MAP3K9: variants seen among roughly 807,000 people sequenced by gnomAD.
MAP3K9 encodes the protein mitogen-activated protein kinase kinase kinase 9.
In MAP3K9, 46 loss-of-function variants were observed where a neutral mutation model predicts 95.8. The observed-to-expected ratio is 0.48, with a 90% CI of 0.38 to 0.61. MAP3K9 has a LOEUF of 0.61. Ranked by LOEUF, MAP3K9 falls within the 20% of genes least tolerant of loss-of-function variation. The probability of loss-of-function intolerance (pLI) is 0.00; values close to 1 mark genes in which losing one functional copy is unlikely to be tolerated. For synonymous variants in MAP3K9, 533 were observed against 593.8 expected, an observed-to-expected ratio of 0.90 and a Z score of 1.49; for missense variants, 1,296 against 1,474.3, an observed-to-expected ratio of 0.88 and a Z score of 1.98.
In MAP3K9 at chr14:70,730,449, C is replaced by A. The variant is rs1042066727; in HGVS notation, c.3246G>T (p.Pro1082=). ...GTGTGTTCAGTTCCGCTCTGCACAGCGGCACGGTGCTGTCCTGACTCTGCC... is the reference window on the plus strand; with the variant it reads ...GTGTGTTCAGTTCCGCTCTGCACAGAGGCACGGTGCTGTCCTGACTCTGCC... ...AEGQSQDSTV[P]LCRAELNTHR... The change falls in exon 12 of 12, where the codon CCG becomes CCT. Residue 1082 remains proline (P), a synonymous_variant. Coordinates refer to ENST00000554752, the MANE Select transcript of MAP3K9 (RefSeq NM_001284230.2). 7 of 1,614,082 alleles carry A rather than the reference C, an allele frequency of 4.3e-6. No homozygotes were observed. Among genetic ancestry groups the A allele is most frequent in the African/African-American group, 1.3e-5 (1 of 74,948 alleles).
At chr14:70,774,736 C>G (rs1219699827) in intron 2 of MAP3K9, among the ~76,000 whole-genome samples, 1 of 151,922 alleles carries the variant, frequency 6.6e-6, no homozygotes, top group Non-Finnish European at 1.5e-5. Context: ...CCTGTAATCC[C>G]AGCACTGTGG....
At chr14:70,786,833 G>A (rs142162102) in intron 2 of MAP3K9, among the ~76,000 whole-genome samples, 19 of 152,146 alleles carry the variant, frequency 1.2e-4, no homozygotes, top group East Asian at 5.8e-4. Flanking sequence ...AAAATCTATC[G>A]CTATTTTCCC....
chr14:70,762,771 T>C (rs1422367368), intron 2 of MAP3K9, among the ~76,000 whole-genome samples: 7 of 152,232 alleles, frequency 4.6e-5, no homozygotes, highest in African/African-American at 1.7e-4. Context: ...TTTTTTTATT[T>C]ATTGCACATA....
rs764870237 is a variant in MAP3K9, at chr14:70,730,749, G to C, written c.2946C>G (p.Thr982=). 4 of 1,613,806 alleles carry C rather than the reference G, an allele frequency of 2.5e-6. No homozygotes were observed. In the East Asian group the frequency reaches 6.7e-5, roughly 27 times the overall value. Residue 982 remains threonine, a synonymous_variant, in exon 12 of 12, where the codon ACC becomes ACG. Coordinates refer to ENST00000554752, the MANE Select transcript of MAP3K9 (RefSeq NM_001284230.2). ...ACTCCAGAGTCTTGGGTCTCTCCAA[G>C]GTAGAGTCCTGCTGAGTGTTCCAGC... The part of the protein sequence containing the change: ...PRRWNTQQDS[T]LERPKTLEFL...
intron 11 of MAP3K9, 38 bp from the exon 12 acceptor site, chr14:70,730,902 C>A (rs749339201): frequency 1.9e-6 from 3 of 1,564,364 alleles, no homozygotes; most frequent in Middle Eastern, 1.7e-4. Flanking sequence ...TCAGATGAGG[C>A]ACCATATTTC....
At chr14:70,751,675 C>T (rs553097782) in intron 3 of MAP3K9, among the ~76,000 whole-genome samples, 9 of 152,076 alleles carry the variant, frequency 5.9e-5, no homozygotes, top group South Asian at 2.1e-4. Flanking sequence ...GCCAAGATCA[C>T]GCCACTGCAC....
At chr14:70,786,357 C>T (rs904150718) in intron 2 of MAP3K9, among the ~76,000 whole-genome samples, 5 of 152,214 alleles carry the variant, frequency 3.3e-5, no homozygotes, top group African/African-American at 1.2e-4. Context: ...TATCTCTCAG[C>T]GGGGATTCCT....
At chr14:70,757,087 T>C (rs750205305) in intron 3 of MAP3K9, among the ~76,000 whole-genome samples, 3 of 152,112 alleles carry the variant, frequency 2.0e-5, no homozygotes, top group Non-Finnish European at 2.9e-5. Flanking sequence ...AGGTTCAATA[T>C]ACAGATGCTA....
intron 3 of MAP3K9, among the ~76,000 whole-genome samples, chr14:70,750,830 C>G (rs945710456): frequency 6.6e-6 from 1 of 152,060 alleles, no homozygotes; most frequent in Admixed American, 6.6e-5. Context: ...GAAGAGGCAG[C>G]CTCCCAAGTA....
chr14:70,764,331 G>C (rs2054419199), intron 2 of MAP3K9, among the ~76,000 whole-genome samples: 1 of 111,026 alleles, frequency 9.0e-6, no homozygotes. Context: ...AAGATGTAGA[G>C]GTGGAAGACT....
At chr14:70,745,827 T>C (rs1032893927) in intron 5 of MAP3K9, among the ~76,000 whole-genome samples, 4 of 152,050 alleles carry the variant, frequency 2.6e-5, no homozygotes, top group Admixed American at 2.6e-4. Context: ...TACTCAGTGG[T>C]TGAATAACTA....
Position 70,808,849 on chromosome 14 carries a change from C to G in MAP3K9, c.323G>C (p.Ser108Thr). Residue 108 changes from serine to threonine, a missense_variant, in exon 1 of 12, where the codon AGC (serine) becomes ACC (threonine). Coordinates refer to ENST00000554752, the MANE Select transcript of MAP3K9 (RefSeq NM_001284230.2). ...QLNQRVGIFP[S>T]NYVTPRSAFS... ...GGCGCTGCGCGGGGTCACGTAGTTGCTGGGGAAGATGCCCACCCGCTGGTT... is the reference window on the plus strand; with the variant it reads ...GGCGCTGCGCGGGGTCACGTAGTTGGTGGGGAAGATGCCCACCCGCTGGTT... 1 of 1,600,284 alleles carries G rather than the reference C, an allele frequency of 6.2e-7. No individual in the cohort carries two copies. Among genetic ancestry groups the G allele is most frequent in the Non-Finnish European group, 8.5e-7 (1 of 1,175,896 alleles).
chr14:70,750,896 C>G (rs2054217250), intron 3 of MAP3K9, among the ~76,000 whole-genome samples: 1 of 152,016 alleles, frequency 6.6e-6, no homozygotes, highest in African/African-American at 2.4e-5. Flanking sequence ...ACATTTTTTC[C>G]CCCAAAGTGC....
At chr14:70,798,882 A>T (rs2054896939) in intron 2 of MAP3K9, among the ~76,000 whole-genome samples, 1 of 152,172 alleles carries the variant, frequency 6.6e-6, no homozygotes, top group Non-Finnish European at 1.5e-5. Context: ...AAAAAGAGAA[A>T]CCAGATTTTT....
Position 70,729,425 on chromosome 14 carries a change from G to C in MAP3K9, c.*955C>G, listed in dbSNP as rs1387703332. Reference sequence around the variant, plus strand: ...GATTAGAGTGAAGACCAAAGGAAGGGAGTAACACATAAAGTTCAGACAGCA... The same window carrying C: ...GATTAGAGTGAAGACCAAAGGAAGGCAGTAACACATAAAGTTCAGACAGCA... On this transcript the variant is annotated 3_prime_UTR_variant, in exon 12 of 12. Transcript: ENST00000554752. 6.6e-6 allele frequency: 1 copy of C among 152,244 alleles called. No homozygotes were observed. Among genetic ancestry groups the C allele is most frequent in the African/African-American group, 2.4e-5 (1 of 41,448 alleles). 9.4% of individuals were successfully genotyped at this position (152,244 alleles called of 1,614,324 possible).
chr14:70,779,092 T>C (rs2054639456), intron 2 of MAP3K9, among the ~76,000 whole-genome samples: 1 of 152,192 alleles, frequency 6.6e-6, no homozygotes. Context: ...CTGAGGGGCC[T>C]TGACATATCT....
chr14:70,769,734 C>T (rs534685760), intron 2 of MAP3K9, among the ~76,000 whole-genome samples: 2 of 152,178 alleles, frequency 1.3e-5, no homozygotes, highest in Non-Finnish European at 2.9e-5. Context: ...TGGCCATCTT[C>T]CCTTTGTGTA....
At chr14:70,800,569 T>G (rs764112326) in intron 2 of MAP3K9, 98 bp downstream of exon 2, 15 of 1,236,590 alleles carry the variant, frequency 1.2e-5, no homozygotes, top group Non-Finnish European at 1.7e-5. Flanking sequence ...GGAGTTTCAC[T>G]GCCCTCTAAG....
At chr14:70,793,704 G>A (rs1239620397) in intron 2 of MAP3K9, among the ~76,000 whole-genome samples, 1 of 151,740 alleles carries the variant, frequency 6.6e-6, no homozygotes, top group African/African-American at 2.4e-5. Context: ...TACATTTATT[G>A]AGGACCCTAC....
Sources: allele counts gnomAD v4.1 joint callset (sites outside exome capture counted in the v4.1 genomes callset), GRCh38; gene constraint gnomAD v4.1.1; transcripts MANE v1.5; gene names NCBI Gene and HGNC (gene_info 2026-07-23, HGNC 2026-07-21).